The following LDB2 variants were observed in gnomAD, a reference collection of about 807,000 sequenced individuals.
The protein encoded by LDB2 is LIM domain binding 2, also known as LIM domain-binding protein 2.
A neutral mutation model predicts 44.3 loss-of-function variants in LDB2; 12 were observed. That is an observed-to-expected ratio of 0.27 (90% CI 0.17 to 0.44). The LOEUF is 0.44. LDB2 is among the 20% of genes least tolerant of loss of function. The probability of loss-of-function intolerance (pLI) is 1.00; values close to 1 mark genes in which losing one functional copy is unlikely to be tolerated. For synonymous variants in LDB2, 164 were observed against 174.8 expected (o/e 0.94, Z 0.49); for missense variants, 344 against 473.5 (o/e 0.73, Z 2.54).
At position 16,821,029 on chromosome 4, in the gene LDB2, T is replaced by A. The variant is rs190469531; in HGVS notation, c.133-61769A>T. On this transcript the variant is annotated intron_variant, in intron 1 of 7. Coordinates refer to ENST00000304523, the MANE Select transcript of LDB2 (RefSeq NM_001290.5). ...TATGAGTTGATAATTTTTAAATGGA[T>A]TGACCACTCATCAATTGCTTTACAG... Among the ~76,000 whole-genome samples the A allele has an allele frequency of 4.0e-3, 608 of 152,324 alleles. 4 individuals are homozygous for A. The highest frequency in any genetic ancestry group is 0.014 in the African/African-American group (577 of 41,568).
chr4:16,679,114 G>T (rs978627995), intron 2 of LDB2, among the ~76,000 whole-genome samples: 1 of 152,218 alleles, frequency 6.6e-6, no homozygotes, highest in Non-Finnish European at 1.5e-5. Flanking sequence ...TAATATAAAC[G>T]GTGCAAATGT....
At chr4:16,524,584 G>A (rs555605893) in intron 5 of LDB2, among the ~76,000 whole-genome samples, 1 of 152,142 alleles carries the variant, frequency 6.6e-6, no homozygotes, top group Non-Finnish European at 1.5e-5. Flanking sequence ...GCAGGGATCC[G>A]GTTAAATCAA....
At chr4:16,644,969 A>G (rs1736290159) in intron 2 of LDB2, among the ~76,000 whole-genome samples, 1 of 152,190 alleles carries the variant, frequency 6.6e-6, no homozygotes, top group Non-Finnish European at 1.5e-5. Context: ...CCCAACTGAT[A>G]TATAGACATA....
At chr4:16,797,723 T>C (rs16894016) in intron 1 of LDB2, among the ~76,000 whole-genome samples, 4,760 of 152,146 alleles carry the variant, frequency 0.031, 204 homozygotes, top group African/African-American at 0.095. Flanking sequence ...TGCTCACCTA[T>C]GACCATCACT....
intron 2 of LDB2, among the ~76,000 whole-genome samples, chr4:16,677,096 G>C (rs895907628): frequency 6.6e-6 from 1 of 152,208 alleles, no homozygotes; most frequent in African/African-American, 2.4e-5. Flanking sequence ...GGAGAGAATA[G>C]CGCCTATGTG....
chr4:16,842,697 T>A (rs989193715), intron 1 of LDB2, among the ~76,000 whole-genome samples: 2 of 152,206 alleles, frequency 1.3e-5, no homozygotes, highest in African/African-American at 4.8e-5. Context: ...CAACAAGGCA[T>A]AAGAGCTTGA....
intron 2 of LDB2, among the ~76,000 whole-genome samples, chr4:16,739,689 T>C (rs1295567888): frequency 1.0e-5 from 1 of 95,636 alleles, no homozygotes; most frequent in Admixed American, 1.2e-4. Flanking sequence ...TGTATATATG[T>C]ATATATACAT....
chr4:16,662,691 C>G lies in LDB2; in HGVS notation c.236-66816G>C, dbSNP rs544858355. Among the ~76,000 whole-genome samples, 6 of 151,814 alleles carry G rather than the reference C, an allele frequency of 4.0e-5. No individual in the cohort carries two copies. The East Asian group carries it at 9.7e-4, about 25-fold the overall frequency. The stretch of plus-strand genomic sequence containing the variant: ...TGATAGTGAATAAGTCTCATGTGAT[C>G]TGATGGTTTCATAAAGGGCAGTTCC... On this transcript the variant is annotated intron_variant, in intron 2 of 7. Coordinates refer to ENST00000304523, the MANE Select transcript of LDB2 (RefSeq NM_001290.5).
chr4:16,691,948 T>C (rs1750869277), intron 2 of LDB2, among the ~76,000 whole-genome samples: 1 of 152,182 alleles, frequency 6.6e-6, no homozygotes, highest in Non-Finnish European at 1.5e-5. Flanking sequence ...GGCTAATTAC[T>C]GATGCTATTT....
chr4:16,742,072 TTC>T lies in LDB2; in HGVS notation c.235+17084_235+17085del, dbSNP rs1262795725. Among the ~76,000 whole-genome samples, 15 of 142,560 alleles carry T rather than the reference TTC, an allele frequency of 1.1e-4. No homozygotes were observed. In the East Asian group the frequency reaches 2.8e-3, roughly 27 times the overall value. 93.5% of individuals were successfully genotyped at this position (142,560 alleles called of 152,430 possible). On this transcript the variant is annotated intron_variant, in intron 2 of 7. Coordinates refer to ENST00000304523, the MANE Select transcript of LDB2 (RefSeq NM_001290.5). The stretch of plus-strand genomic sequence containing the variant: ...TCTTTCTTTCTTTTTTTCTTTTCTT[TTC>T]TTTTTTTTTTTTTTTTTTGAGAGTG...
chr4:16,648,411 C>G (rs975853768), intron 2 of LDB2, among the ~76,000 whole-genome samples: 1 of 152,184 alleles, frequency 6.6e-6, no homozygotes, highest in Non-Finnish European at 1.5e-5. Flanking sequence ...GGTGTGTGCC[C>G]TTGGTCAAGC....
intron 5 of LDB2, among the ~76,000 whole-genome samples, chr4:16,551,680 A>G (rs1305964692): frequency 6.6e-6 from 1 of 151,672 alleles, no homozygotes; most frequent in Non-Finnish European, 1.5e-5. Context: ...ACCACGCCCA[A>G]ATAATTTTTG....
chr4:16,691,968 C>G (rs1398751736), intron 2 of LDB2, among the ~76,000 whole-genome samples: 1 of 152,178 alleles, frequency 6.6e-6, no homozygotes, highest in African/African-American at 2.4e-5. Flanking sequence ...TGCGATTACA[C>G]AAAGTTGAAT....
intron 1 of LDB2, among the ~76,000 whole-genome samples, chr4:16,871,853 C>G (rs953102022): frequency 1.3e-5 from 2 of 152,004 alleles, no homozygotes; most frequent in African/African-American, 2.4e-5. Flanking sequence ...AATTCCTGAC[C>G]GCAGATGATC....
intron 1 of LDB2, among the ~76,000 whole-genome samples, chr4:16,764,907 A>G (rs1375272145): frequency 6.6e-6 from 1 of 152,198 alleles, no homozygotes; most frequent in African/African-American, 2.4e-5. Flanking sequence ...AGTTTCCGCT[A>G]AAGTTTAGAG....
chr4:16,575,911 A>G (rs552863316), intron 5 of LDB2, among the ~76,000 whole-genome samples: 1 of 152,162 alleles, frequency 6.6e-6, no homozygotes, highest in African/African-American at 2.4e-5. Context: ...TATATTTTGT[A>G]TTTTTTTAAA....
At chr4:16,637,630 A>T (rs921464898) in intron 2 of LDB2, among the ~76,000 whole-genome samples, 23 of 152,320 alleles carry the variant, frequency 1.5e-4, no homozygotes, top group Admixed American at 9.8e-4. Flanking sequence ...TACCAAGAGA[A>T]GCCCTGGATG....
intron 2 of LDB2, among the ~76,000 whole-genome samples, chr4:16,699,418 G>A (rs899839361): frequency 6.6e-6 from 1 of 152,064 alleles, no homozygotes; most frequent in Non-Finnish European, 1.5e-5. Flanking sequence ...ATTTCTTTCC[G>A]GTTCATGGAG....
At chr4:16,889,503 T>C (rs1722728277) in intron 1 of LDB2, 1 of 152,232 alleles carries the variant, frequency 6.6e-6, no homozygotes, top group East Asian at 1.9e-4. Flanking sequence ...CTTTTTCCTT[T>C]GGGCTTGACG....
Sources: allele counts gnomAD v4.1 joint callset (sites outside exome capture counted in the v4.1 genomes callset), GRCh38; gene constraint gnomAD v4.1.1; transcripts MANE v1.5; gene names NCBI Gene and HGNC (gene_info 2026-07-23, HGNC 2026-07-21).